The following PTPRD variants were observed in gnomAD, a reference collection of about 807,000 sequenced individuals.
PTPRD encodes protein tyrosine phosphatase receptor type D.
A neutral mutation model predicts 214.5 loss-of-function variants in PTPRD; 34 were observed. That is an observed-to-expected ratio of 0.16 (90% CI 0.12 to 0.21). The LOEUF (loss-of-function observed/expected upper bound fraction) is 0.21. Ranked by LOEUF, PTPRD falls within the 10% of genes least tolerant of loss-of-function variation. The pLI, the probability that PTPRD is intolerant of heterozygous loss-of-function variation, is 1.00. For missense variants in PTPRD, 2,545 were observed against 2,398.7 expected, an observed-to-expected ratio of 1.06 and a Z score of -1.27; for synonymous variants, 1,128 against 845.7, an observed-to-expected ratio of 1.33 and a Z score of -5.79.
In PTPRD at chr9:8,636,821, G is replaced by C. The variant is rs1333698456; in HGVS notation, c.88C>G (p.Pro30Ala). The change falls in exon 13 of 46, where the codon CCC becomes GCC. Residue 30 changes from proline to alanine, a missense_variant. Coordinates refer to ENST00000381196, the MANE Select transcript of PTPRD (RefSeq NM_002839.4). ...AETPPRFTRT[P>A]VDQTGVSGGV... ...CCAGAGACCCCTGTCTGATCAACGG[G>C]TGTTCGTGTAAACCTTGGAGGTGCT... The C allele has an allele frequency of 6.2e-7, 1 of 1,613,882 alleles. No homozygotes were observed. The highest frequency in any genetic ancestry group is 8.5e-7 in the Non-Finnish European group (1 of 1,179,836).
At chr9:10,414,104 T>A (rs1446054749) in intron 2 of PTPRD, among the ~76,000 whole-genome samples, 1 of 151,752 alleles carries the variant, frequency 6.6e-6, no homozygotes, top group Non-Finnish European at 1.5e-5. Flanking sequence ...AATTGACAAA[T>A]GGGATCTAAT....
At chr9:8,954,321 C>G (rs1032125235) in intron 11 of PTPRD, among the ~76,000 whole-genome samples, 3 of 151,732 alleles carry the variant, frequency 2.0e-5, no homozygotes, top group Non-Finnish European at 4.4e-5. Context: ...AAAAAAGGAG[C>G]AAAAGACGCT....
At chr9:8,802,213 T>C (rs60584517) in intron 11 of PTPRD, among the ~76,000 whole-genome samples, 18,094 of 152,178 alleles carry the variant, frequency 0.12, 1,142 homozygotes, top group East Asian at 0.2. Flanking sequence ...CTGAGTAATG[T>C]TCCCCCACAC....
rs538975530 is a variant in PTPRD, at chr9:8,475,878, C to G, written c.3414-4793G>C. ...AGACTGTGACCTTACTCTCTCAACTCTCTCTATTGACTTTAGCCCCGTCTA... is the reference window on the plus strand; with the variant it reads ...AGACTGTGACCTTACTCTCTCAACTGTCTCTATTGACTTTAGCCCCGTCTA... On this transcript the variant is annotated intron_variant, in intron 30 of 45. Coordinates refer to ENST00000381196, the MANE Select transcript of PTPRD (RefSeq NM_002839.4). Among the ~76,000 whole-genome samples the G allele has an allele frequency of 6.6e-5, 10 of 152,296 alleles. No homozygotes were observed. In the South Asian group the frequency reaches 2.1e-3, roughly 32 times the overall value.
chr9:8,448,319 C>A (rs1258618036), intron 34 of PTPRD, among the ~76,000 whole-genome samples: 2 of 152,120 alleles, frequency 1.3e-5, no homozygotes, highest in African/African-American at 4.8e-5. Context: ...TCGAGTGAGA[C>A]TCTGTCTCAA....
Position 8,451,961 on chromosome 9 carries a change from T to A in PTPRD, c.3876-2124A>T, listed in dbSNP as rs1425390506. ...GTGGCTGGGGTGAGTGACACTGAGC[T>A]GGAGGGTAGAAAAGAAAACTCTCTA... On this transcript the variant is annotated intron_variant, in intron 33 of 45. Transcript: ENST00000381196. The A allele has an allele frequency of 4.2e-5, 18 of 431,376 alleles. No homozygotes were observed. In the East Asian group the frequency reaches 9.6e-4, roughly 23 times the overall value. The allele number at this position is 431,376 out of a possible 1,614,324, so 26.7% of individuals were successfully genotyped here.
chr9:9,003,653 C>G (rs1460158373), intron 11 of PTPRD, among the ~76,000 whole-genome samples: 1 of 152,016 alleles, frequency 6.6e-6, no homozygotes, highest in Non-Finnish European at 1.5e-5. Context: ...TTGTGAATGA[C>G]AGGCTGAGCT....
intron 7 of PTPRD, among the ~76,000 whole-genome samples, chr9:9,677,716 C>T (rs1271386944): frequency 6.6e-6 from 1 of 151,868 alleles, no homozygotes; most frequent in Non-Finnish European, 1.5e-5. Context: ...AAGTTCTGGC[C>T]AGGGCTATCA....
At chr9:9,890,790 G>A (rs549126581) in intron 5 of PTPRD, among the ~76,000 whole-genome samples, 22 of 152,072 alleles carry the variant, frequency 1.4e-4, no homozygotes, top group African/African-American at 4.3e-4. Context: ...GAAAGCAGGC[G>A]CCTATTCTCA....
At chr9:8,594,557 G>A (rs1037689342) in intron 14 of PTPRD, among the ~76,000 whole-genome samples, 1 of 152,124 alleles carries the variant, frequency 6.6e-6, no homozygotes, top group African/African-American at 2.4e-5. Flanking sequence ...TCGAGGGAGG[G>A]ACCTGGTGGG....
chr9:10,062,922 T>G (rs1375186023), intron 3 of PTPRD, among the ~76,000 whole-genome samples: 2 of 152,018 alleles, frequency 1.3e-5, no homozygotes, highest in African/African-American at 2.4e-5. Flanking sequence ...AACATGAGAA[T>G]GAGAGAGATG....
intron 2 of PTPRD, among the ~76,000 whole-genome samples, chr9:10,438,654 A>G (rs981920676): frequency 2.0e-5 from 3 of 151,740 alleles, no homozygotes; most frequent in African/African-American, 7.3e-5. Context: ...TTTCAGCAGT[A>G]TATGTGGATC....
At chr9:8,995,475 T>C (rs1164056935) in intron 11 of PTPRD, among the ~76,000 whole-genome samples, 3 of 152,064 alleles carry the variant, frequency 2.0e-5, no homozygotes, top group African/African-American at 7.2e-5. Flanking sequence ...ATGGAGGTGT[T>C]TGAAAATTTC....
At chr9:9,928,365 T>C (rs569317089) in intron 5 of PTPRD, among the ~76,000 whole-genome samples, 17 of 152,170 alleles carry the variant, frequency 1.1e-4, no homozygotes, top group Non-Finnish European at 2.4e-4. Context: ...AAGCTCATTA[T>C]CTTGAGTTTT....
At chr9:8,949,854 T>A (rs1476392798) in intron 11 of PTPRD, among the ~76,000 whole-genome samples, 1 of 152,176 alleles carries the variant, frequency 6.6e-6, no homozygotes, top group African/African-American at 2.4e-5. Flanking sequence ...CCTACAGTTA[T>A]GAATGAAATG....
At chr9:9,302,266 T>C (rs546615634) in intron 9 of PTPRD, among the ~76,000 whole-genome samples, 2 of 152,096 alleles carry the variant, frequency 1.3e-5, no homozygotes, top group Non-Finnish European at 2.9e-5. Context: ...AGGAATTATC[T>C]TCTATGTCCT....
intron 11 of PTPRD, among the ~76,000 whole-genome samples, chr9:8,840,496 G>C (rs969835129): frequency 4.6e-5 from 7 of 152,080 alleles, no homozygotes; most frequent in African/African-American, 1.7e-4. Context: ...ACCCAGTTTG[G>C]GGTATGTCTT....
intron 9 of PTPRD, among the ~76,000 whole-genome samples, chr9:9,378,544 G>T (rs370370317): frequency 9.9e-5 from 15 of 152,240 alleles, no homozygotes; most frequent in African/African-American, 3.4e-4. Flanking sequence ...TATGGAGATT[G>T]TTGCATCATA....
chr9:10,270,293 T>C (rs116999186), intron 3 of PTPRD, among the ~76,000 whole-genome samples: 1,797 of 152,282 alleles, frequency 0.012, 20 homozygotes, highest in Non-Finnish European at 0.017. Flanking sequence ...AAGTTTATTA[T>C]GCTGATATAG....
Sources: allele counts gnomAD v4.1 joint callset (sites outside exome capture counted in the v4.1 genomes callset), GRCh38; gene constraint gnomAD v4.1.1; transcripts MANE v1.5; gene names NCBI Gene and HGNC (gene_info 2026-07-23, HGNC 2026-07-21).